RASSF3: variants seen among roughly 807,000 people sequenced by gnomAD.
RASSF3 encodes Ras association domain family member 3, also known as ras association domain-containing protein 3.
In RASSF3, 19 loss-of-function variants were observed where a neutral mutation model predicts 19.9. The ratio of observed to expected loss-of-function variants is 0.96; its 90% CI spans 0.67 to 1.40. The LOEUF (loss-of-function observed/expected upper bound fraction) is 1.40. RASSF3 is among the 40% of genes most tolerant of loss of function. The pLI is 0.00. For synonymous variants in RASSF3, 110 were observed against 104.2 expected, an observed-to-expected ratio of 1.06 and a Z score of -0.34; for missense variants, 306 against 289.8, an observed-to-expected ratio of 1.06 and a Z score of -0.41.
chr12:64,687,265 G>A (rs1873394299), intron 2 of RASSF3, among the ~76,000 whole-genome samples: 1 of 152,022 alleles, frequency 6.6e-6, no homozygotes, highest in African/African-American at 2.4e-5. Context: ...GCCTCCCAAA[G>A]TGCTGAGATT....
intron 1 of RASSF3, among the ~76,000 whole-genome samples, chr12:64,511,433 G>A (rs749660734): frequency 5.9e-5 from 9 of 151,840 alleles, no homozygotes; most frequent in South Asian, 2.1e-4. Flanking sequence ...AGTGAGCCGA[G>A]ACCACACCAC....
At chr12:64,591,942 C>G (rs978935390) in intron 2 of RASSF3, among the ~76,000 whole-genome samples, 29 of 151,814 alleles carry the variant, frequency 1.9e-4, no homozygotes, top group African/African-American at 5.6e-4. Flanking sequence ...TACTGTGTCC[C>G]CTAGGCTAGA....
At chr12:64,692,812 A>G (rs1212617299) in intron 4 of RASSF3, among the ~76,000 whole-genome samples, 2 of 152,158 alleles carry the variant, frequency 1.3e-5, no homozygotes, top group Non-Finnish European at 1.5e-5. Context: ...CCTGGGCTCA[A>G]GCAATCCTCC....
chr12:64,655,883 C>T (rs893298150), intron 1 of RASSF3, among the ~76,000 whole-genome samples: 3 of 151,710 alleles, frequency 2.0e-5, no homozygotes, highest in South Asian at 4.2e-4. Context: ...GAAAATTAGC[C>T]GGGCGTGATT....
chr12:64,564,287 C>G (rs1053561251), intron 2 of RASSF3, among the ~76,000 whole-genome samples: 1 of 152,204 alleles, frequency 6.6e-6, no homozygotes, highest in Non-Finnish European at 1.5e-5. Context: ...CCCTTGCCCT[C>G]TGAAAACTAC....
chr12:64,684,793 G>A lies in RASSF3; in HGVS notation c.118G>A (p.Glu40Lys). Residue 40 changes from glutamate (E) to lysine (K), a missense_variant, in exon 2 of 5, where the codon GAG becomes AAG. By Grantham distance (56) the Glu-to-Lys change is moderately conservative (BLOSUM62 1). Coordinates refer to ENST00000542104, the MANE Select transcript of RASSF3 (RefSeq NM_178169.4). ...GKPRSGQQDV[E>K]KEKETHSYLS... ...TGTCTTGTTTTTCTTCTAGGATGTT[G>A]AGAAAGAGAAGGAAACCCACAGTTA... The A allele has an allele frequency of 1.2e-6, 2 of 1,607,672 alleles. No homozygotes were observed. The highest frequency in any genetic ancestry group is 1.7e-6 in the Non-Finnish European group (2 of 1,174,356).
At chr12:64,644,699 A>AAAACAAACAAACAAACAAACAAAC (rs67152006) in intron 1 of RASSF3, among the ~76,000 whole-genome samples, 2,346 of 150,320 alleles carry the variant, frequency 0.016, 34 homozygotes, top group Middle Eastern at 0.045. Flanking sequence ...TCTCCAACCA[A>AAAACAAACAAACAAACAAACAAAC]AAACAAACAA....
chr12:64,693,961 G>A (rs1009482573), intron 4 of RASSF3, among the ~76,000 whole-genome samples: 1 of 152,202 alleles, frequency 6.6e-6, no homozygotes, highest in African/African-American at 2.4e-5. Flanking sequence ...GGTGGGAAGA[G>A]AGGAGAGGAA....
At chr12:64,655,085 A>G (rs1251080209) in intron 1 of RASSF3, 1 of 152,222 alleles carries the variant, frequency 6.6e-6, no homozygotes, top group African/African-American at 2.4e-5. Flanking sequence ...GAGAGCTTTA[A>G]TTCAAAACTG....
intron 1 of RASSF3, among the ~76,000 whole-genome samples, chr12:64,657,425 T>C (rs185959825): frequency 1.3e-5 from 2 of 152,364 alleles, no homozygotes; most frequent in Admixed American, 1.3e-4. Context: ...ATTCAAATGG[T>C]AAATTTTATG....
At chr12:64,574,332 T>C (rs1355779002) in intron 2 of RASSF3, among the ~76,000 whole-genome samples, 2 of 151,652 alleles carry the variant, frequency 1.3e-5, no homozygotes, top group Non-Finnish European at 1.5e-5. Flanking sequence ...AAAAGAAATA[T>C]TTGATAAAAT....
intron 2 of RASSF3, among the ~76,000 whole-genome samples, chr12:64,592,047 G>A (rs376454620): frequency 6.4e-4 from 97 of 151,902 alleles, no homozygotes; most frequent in African/African-American, 2.1e-3. Flanking sequence ...GACTACAGGC[G>A]TATGCCACAT....
intron 1 of RASSF3, chr12:64,622,749 T>C: frequency 3.9e-6 from 1 of 258,296 alleles, no homozygotes; most frequent in South Asian, 3.5e-5. Flanking sequence ...GACTTTATGA[T>C]TGATAGATTA....
chr12:64,678,588 T>TTTTG (rs762180345), intron 1 of RASSF3, among the ~76,000 whole-genome samples: 14 of 151,726 alleles, frequency 9.2e-5, no homozygotes, highest in Non-Finnish European at 1.6e-4. Flanking sequence ...ATTTGCTCTT[T>TTTTG]TTTGTTTGTT....
chr12:64,680,215 G>A (rs1490518738), intron 1 of RASSF3, among the ~76,000 whole-genome samples: 2 of 152,054 alleles, frequency 1.3e-5, no homozygotes, highest in Admixed American at 6.6e-5. Context: ...TTTTTTAAAG[G>A]GGTAAACAAT....
At position 64,610,732 on chromosome 12, in the gene RASSF3, T is replaced by C. The variant is rs756131388; in HGVS notation, c.100T>C (p.Ser34Pro). The C allele has an allele frequency of 3.1e-6, 5 of 1,588,106 alleles. No individual in the cohort carries two copies. The highest frequency in any genetic ancestry group is 1.7e-5 in the Admixed American group (1 of 58,058). Residue 34 changes from serine (S) to proline (P), a missense_variant, in exon 1 of 5, where the codon TCC becomes CCC. By Grantham distance (74) the Ser-to-Pro change is moderately conservative. Transcript: ENST00000542104. ...GAGAGCGCCCCAGGGCAAGCCCCGC[T>C]CCGGCCAACAAGTGAGTGGCGCGCG... ...FRRAPQGKPR[S>P]GQQDVEKEKE...
intron 1 of RASSF3, among the ~76,000 whole-genome samples, chr12:64,540,164 T>C (rs1001317111): frequency 6.6e-6 from 1 of 152,208 alleles, no homozygotes; most frequent in East Asian, 1.9e-4. Context: ...TTAAGTAGTA[T>C]CTGATGTGAA....
intron 1 of RASSF3, among the ~76,000 whole-genome samples, chr12:64,538,590 G>T (rs1342146155): frequency 2.6e-5 from 4 of 151,820 alleles, no homozygotes; most frequent in Non-Finnish European, 5.9e-5. Context: ...TGACTATTAT[G>T]CTTTATAAAT....
chr12:64,688,555 G>A, intron 3 of RASSF3, 102 bp downstream of exon 3: 1 of 814,726 alleles, frequency 1.2e-6, no homozygotes, highest in Non-Finnish European at 2.1e-6. Context: ...TGTCAGTTGT[G>A]TCAGAGCCTG....
Sources: allele counts gnomAD v4.1 joint callset (sites outside exome capture counted in the v4.1 genomes callset), GRCh38; gene constraint gnomAD v4.1.1; transcripts MANE v1.5; gene names NCBI Gene and HGNC (gene_info 2026-07-23, HGNC 2026-07-21).